Variants in XRRA1 observed in about 807,000 individuals in gnomAD.
XRRA1 encodes the protein X-ray radiation resistance associated 1.
In XRRA1, 69 loss-of-function variants were observed where a neutral mutation model predicts 80.2. The ratio of observed to expected loss-of-function variants is 0.86; its 90% CI spans 0.71 to 1.05. The LOEUF is 1.05. Among genes scored for constraint, XRRA1 ranks in the 50% least tolerant of loss-of-function variants. The probability of loss-of-function intolerance (pLI) is 0.00; values close to 1 mark genes in which losing one functional copy is unlikely to be tolerated. For synonymous variants in XRRA1, 348 were observed against 389.9 expected (o/e 0.89, Z 1.27); for missense variants, 967 against 976.4 (o/e 0.99, Z 0.13).
intron 15 of XRRA1, among the ~76,000 whole-genome samples, chr11:74,846,853 C>T (rs1232235976): frequency 1.3e-5 from 2 of 151,968 alleles, no homozygotes; most frequent in African/African-American, 4.8e-5. Context: ...GAAGTCTGCT[C>T]TCACCACTTC....
rs899918772 is a variant in XRRA1, at chr11:74,906,872, C to T, written c.785+273G>A. On this transcript the variant is annotated intron_variant, in intron 9 of 18. Transcript: ENST00000684022. ...TTTTCCTGTCTCTACTGTCAGGGTC[C>T]GAATCCTATCTTGGGTAAAATCTCC... 8 of 442,754 alleles carry T rather than the reference C, an allele frequency of 1.8e-5. No individual in the cohort carries two copies. In the Admixed American group the frequency reaches 2.0e-4, roughly 11 times the overall value. The allele number at this position is 442,754 out of a possible 1,614,324, so 27.4% of individuals were successfully genotyped here.
intron 2 of XRRA1, among the ~76,000 whole-genome samples, chr11:74,944,524 T>C (rs1947107623): frequency 6.6e-6 from 1 of 152,222 alleles, no homozygotes; most frequent in Non-Finnish European, 1.5e-5. Flanking sequence ...CCTCCTTTGG[T>C]CCAACACAGG....
At chr11:74,873,150 C>T (rs2045258706) in intron 10 of XRRA1, among the ~76,000 whole-genome samples, 1 of 152,116 alleles carries the variant, frequency 6.6e-6, no homozygotes, top group Admixed American at 6.5e-5. Context: ...CTTAAGGATC[C>T]CACTGCTTTT....
chr11:74,943,517 G>A (rs1017318525), intron 2 of XRRA1, among the ~76,000 whole-genome samples: 3 of 136,446 alleles, frequency 2.2e-5, no homozygotes, highest in Non-Finnish European at 4.8e-5. Flanking sequence ...GGGGAAGAGA[G>A]TAGGAGGGTG....
intron 10 of XRRA1, 141 bp downstream of exon 10, chr11:74,906,098 T>C: frequency 2.7e-6 from 2 of 744,384 alleles, no homozygotes; most frequent in Non-Finnish European, 4.3e-6. Flanking sequence ...CTCCCAAACA[T>C]AGATGCAAAC....
chr11:74,930,388 T>C lies in XRRA1; in HGVS notation c.352-16A>G. ...TTTCCTTGGCCTGTAGGAAAGCATT[T>C]CAGAAAAAAAAAAAAATCCACAAGA... is the stretch of plus-strand genomic sequence containing the variant. On this transcript the variant is annotated splice_polypyrimidine_tract_variant and intron_variant, in intron 5 of 18. Transcript: ENST00000684022. 1 of 1,522,358 alleles carries C rather than the reference T, an allele frequency of 6.6e-7. No homozygotes were observed. Among genetic ancestry groups the C allele is most frequent in the Non-Finnish European group, 8.8e-7 (1 of 1,137,572 alleles). The allele number at this position is 1,522,358 out of a possible 1,614,324, so 94.3% of individuals were successfully genotyped here.
chr11:74,851,365 C>G (rs1374106723), intron 13 of XRRA1, among the ~76,000 whole-genome samples, 162 bp from the exon 14 acceptor site: 1 of 152,124 alleles, frequency 6.6e-6, no homozygotes, highest in Non-Finnish European at 1.5e-5. Context: ...GAATTCCTAC[C>G]TCCTACCATT....
Position 74,859,288 on chromosome 11 carries a change from G to A in XRRA1, c.1045-5C>T. Reference sequence around the variant, plus strand: ...AAGTGAACATATCTTGGTTGTCTTAGAAAGAAGGAAAAGTCAAAATCAAAG... The same window carrying A: ...AAGTGAACATATCTTGGTTGTCTTAAAAAGAAGGAAAAGTCAAAATCAAAG... On this transcript the variant is annotated splice_region_variant and splice_polypyrimidine_tract_variant and intron_variant, in intron 11 of 18. Transcript: ENST00000684022. 2.5e-6 allele frequency: 4 copies of A among 1,600,414 alleles called. No homozygotes were observed. Among genetic ancestry groups the A allele is most frequent in the Non-Finnish European group, 3.4e-6 (4 of 1,174,612 alleles).
At chr11:74,877,594 C>T (rs375599364) in intron 10 of XRRA1, among the ~76,000 whole-genome samples, 54 of 147,230 alleles carry the variant, frequency 3.7e-4, no homozygotes, top group African/African-American at 7.0e-4. Context: ...GTATATCTCC[C>T]GATGCTATCC....
chr11:74,863,058 A>T (rs1362987681), intron 10 of XRRA1, 37 bp from the exon 11 acceptor site: 1 of 1,581,368 alleles, frequency 6.3e-7, no homozygotes, highest in African/African-American at 1.3e-5. Flanking sequence ...GGTTGGTGAG[A>T]CCGCTGATTG....
chr11:74,932,679 G>T (rs1591544247), intron 5 of XRRA1, among the ~76,000 whole-genome samples: 1 of 152,220 alleles, frequency 6.6e-6, no homozygotes. Flanking sequence ...AATCTTCTAT[G>T]ACTTTGTCTC....
chr11:74,943,953 C>G (rs1044619988), intron 2 of XRRA1, among the ~76,000 whole-genome samples: 2 of 152,038 alleles, frequency 1.3e-5, no homozygotes, highest in African/African-American at 2.4e-5. Flanking sequence ...TCCTGAGTAG[C>G]TGGGACTATA....
intron 11 of XRRA1, among the ~76,000 whole-genome samples, chr11:74,860,610 G>C (rs767577212): frequency 3.9e-5 from 6 of 152,206 alleles, no homozygotes; most frequent in Admixed American, 6.5e-5. Flanking sequence ...TCTGAGCACT[G>C]AGCAATCCTA....
In XRRA1 at chr11:74,907,219, C is replaced by G. The variant is rs145571337; in HGVS notation, c.711G>C (p.Ala237=). The G allele has an allele frequency of 6.2e-7, 1 of 1,613,846 alleles. No individual in the cohort carries two copies. Among genetic ancestry groups the G allele is most frequent in the African/African-American group, 1.3e-5 (1 of 74,924 alleles). The change falls in exon 9 of 19, where the codon GCG becomes GCC. Residue 237 remains alanine (A), a synonymous_variant. Transcript: ENST00000684022. The part of the protein sequence containing the change: ...TSKRYILRFP[A]LETLMLDDNR... ...TGTCATCCAGCATCAGTGTCTCCAG[C>G]GCTGGGAACCTCAGGATGTACCTCT...
At chr11:74,847,270 GGATA>G (rs2038505234) in intron 15 of XRRA1, among the ~76,000 whole-genome samples, 1 of 152,224 alleles carries the variant, frequency 6.6e-6, no homozygotes, top group South Asian at 2.1e-4. Flanking sequence ...CTCCATGAAT[GGATA>G]GATGTACATC....
chr11:74,900,194 A>C (rs1461999075), intron 10 of XRRA1, among the ~76,000 whole-genome samples: 2 of 151,694 alleles, frequency 1.3e-5, no homozygotes, highest in East Asian at 3.9e-4. Context: ...AATAAATAAA[A>C]TAATAATAAT....
intron 10 of XRRA1, among the ~76,000 whole-genome samples, chr11:74,881,272 C>G (rs981033214): frequency 1.3e-5 from 2 of 151,590 alleles, no homozygotes; most frequent in African/African-American, 4.9e-5. Context: ...TTATCCGAGA[C>G]TAGGATTGCA....
chr11:74,854,283 T>C (rs533801106), intron 12 of XRRA1, among the ~76,000 whole-genome samples: 15 of 152,238 alleles, frequency 9.9e-5, no homozygotes, highest in African/African-American at 3.6e-4. Flanking sequence ...CCAGTGGCTA[T>C]CTGAAGTCAT....
chr11:74,851,499 A>C (rs2039839799), intron 13 of XRRA1, among the ~76,000 whole-genome samples: 1 of 152,126 alleles, frequency 6.6e-6, no homozygotes, highest in Admixed American at 6.5e-5. Flanking sequence ...CCAGGACTCT[A>C]AAATGCCTCC....
Sources: gnomAD v4.1 joint callset for allele counts (sites outside exome capture counted in the v4.1 genomes callset) on GRCh38, gnomAD v4.1.1 for gene constraint, MANE v1.5 for transcripts, NCBI Gene and HGNC (gene_info 2026-07-23, HGNC 2026-07-21) for gene names.